The following COL21A1 variants were observed in gnomAD, a reference collection of about 807,000 sequenced individuals.
COL21A1 encodes the protein collagen alpha-1(XXI) chain.
Under a neutral mutation model 137.9 loss-of-function variants are expected in COL21A1, and 149 were observed. The observed-to-expected ratio is 1.08, with a 90% CI of 0.95 to 1.24. The LOEUF (loss-of-function observed/expected upper bound fraction) is 1.24. Ranked by LOEUF, COL21A1 falls within the 50% of genes most tolerant of loss-of-function variation. The pLI is 0.00. For missense variants in COL21A1, 1,167 were observed against 1,158.4 expected (o/e 1.01, Z -0.11); for synonymous variants, 456 against 391.5 (o/e 1.16, Z -1.95).
intron 23 of COL21A1, 129 bp downstream of exon 23, chr6:56,067,166 A>G (rs1766335150): frequency 1.3e-6 from 1 of 763,692 alleles, no homozygotes; most frequent in East Asian, 2.9e-5. Context: ...CTCAATAGCA[A>G]AAGGAGAAAA....
At position 56,320,677 on chromosome 6, in the gene COL21A1, A is replaced by T. The variant is rs377042352; in HGVS notation, c.-39+73294T>A. 9.9e-5 allele frequency among the ~76,000 whole-genome samples: 15 copies of T among 152,180 alleles called. No individual in the cohort carries two copies. The East Asian group carries it at 2.5e-3, about 26-fold the overall frequency. On this transcript the variant is annotated intron_variant, in intron 1 of 28. Coordinates refer to the COL21A1 transcript ENST00000370819. ...CACATTTTCTGCTTCCCCTCCCTAGAAATCTCTTTCCATTGATATTCATGT... is the reference window on the plus strand; with the variant it reads ...CACATTTTCTGCTTCCCCTCCCTAGTAATCTCTTTCCATTGATATTCATGT...
intron 17 of COL21A1, among the ~76,000 whole-genome samples, chr6:56,079,317 G>A (rs1767534674): frequency 2.0e-5 from 3 of 151,680 alleles, no homozygotes. Context: ...TGTGATTACC[G>A]ATGACAGTGT....
chr6:56,098,434 T>G (rs1317100796), intron 17 of COL21A1, among the ~76,000 whole-genome samples: 1 of 8,450 alleles, frequency 1.2e-4, no homozygotes, highest in East Asian at 3.8e-3. Context: ...TATATAAATA[T>G]ATATAAATAT....
At chr6:56,199,369 C>A (rs1207046311) in intron 1 of COL21A1, among the ~76,000 whole-genome samples, 1 of 151,124 alleles carries the variant, frequency 6.6e-6, no homozygotes, top group Non-Finnish European at 1.5e-5. Flanking sequence ...ATTATTTTTA[C>A]CAGAATGTAG....
At chr6:56,138,476 A>C (rs1215158132) in intron 12 of COL21A1, among the ~76,000 whole-genome samples, 1 of 152,090 alleles carries the variant, frequency 6.6e-6, no homozygotes, top group Non-Finnish European at 1.5e-5. Context: ...AGAAAGAGCC[A>C]ACGAGAAAAC....
chr6:56,124,307 A>G lies in COL21A1; in HGVS notation c.1651-15T>C. On this transcript the variant is annotated splice_polypyrimidine_tract_variant and intron_variant, in intron 14 of 29. Transcript: ENST00000244728. ...CCTTTTGCACCCTGTATCGAAAACA[A>G]ACACTTAAAACACAATCTTTACAAT... 1 of 1,587,080 alleles carries G rather than the reference A, an allele frequency of 6.3e-7. No homozygotes were observed. Among genetic ancestry groups the G allele is most frequent in the Non-Finnish European group, 8.6e-7 (1 of 1,165,220 alleles).
chr6:56,097,788 T>C (rs1023820361), intron 17 of COL21A1, among the ~76,000 whole-genome samples: 1 of 112,046 alleles, frequency 8.9e-6, no homozygotes. Flanking sequence ...TATATAAAAA[T>C]ATATATATAA....
Position 56,313,446 on chromosome 6 carries a change from G to A in COL21A1, c.-39+80525C>T, listed in dbSNP as rs935263983. ...TCTCATGGTTCTGGAAGCTGTAAGTGCAAGATCAGGGTGCCAGCATGGTTG... is the reference window on the plus strand; with the variant it reads ...TCTCATGGTTCTGGAAGCTGTAAGTACAAGATCAGGGTGCCAGCATGGTTG... On this transcript the variant is annotated intron_variant, in intron 1 of 28. Coordinates refer to the COL21A1 transcript ENST00000370819. Among the ~76,000 whole-genome samples the A allele has an allele frequency of 5.9e-5, 9 of 152,130 alleles. 1 individual carries two copies. The highest frequency in any genetic ancestry group is 1.3e-4 in the Admixed American group (2 of 15,256).
At chr6:56,359,395 T>C (rs1765914408) in intron 1 of COL21A1, among the ~76,000 whole-genome samples, 1 of 152,118 alleles carries the variant, frequency 6.6e-6, no homozygotes, top group Admixed American at 6.6e-5. Flanking sequence ...ACCGTCTGTG[T>C]TGTTCAGATG....
intron 10 of COL21A1, among the ~76,000 whole-genome samples, chr6:56,153,111 T>G (rs1425339450): frequency 8.5e-5 from 13 of 152,218 alleles, no homozygotes; most frequent in Non-Finnish European, 1.5e-5. Flanking sequence ...AGGGAAATTA[T>G]AAGGCAAATG....
intron 5 of COL21A1, among the ~76,000 whole-genome samples, chr6:56,168,952 G>C (rs1018501852): frequency 2.6e-5 from 4 of 151,812 alleles, no homozygotes; most frequent in Non-Finnish European, 5.9e-5. Context: ...AATTTTTCAG[G>C]ATGTTTCACA....
intron 1 of COL21A1, among the ~76,000 whole-genome samples, chr6:56,333,143 C>T (rs545228226): frequency 6.6e-6 from 1 of 152,102 alleles, no homozygotes; most frequent in African/African-American, 2.4e-5. Flanking sequence ...ATACAATAAA[C>T]TACACATGTT....
intron 1 of COL21A1, among the ~76,000 whole-genome samples, chr6:56,320,292 T>C (rs967809584): frequency 6.6e-6 from 1 of 152,128 alleles, no homozygotes; most frequent in Non-Finnish European, 1.5e-5. Context: ...TTGGTATCTT[T>C]ACCTTGTTCC....
At chr6:56,237,064 CCT>C (rs1238184461) in intron 1 of COL21A1, among the ~76,000 whole-genome samples, 2 of 151,842 alleles carry the variant, frequency 1.3e-5, no homozygotes, top group Admixed American at 1.3e-4. Context: ...CCTTTTTCTC[CCT>C]GTTTTTACGT....
intron 1 of COL21A1, among the ~76,000 whole-genome samples, chr6:56,314,893 C>T (rs1764696879): frequency 6.6e-6 from 1 of 152,128 alleles, no homozygotes; most frequent in South Asian, 2.1e-4. Flanking sequence ...GAGGGCAGGA[C>T]AGCAACACAG....
intron 1 of COL21A1, among the ~76,000 whole-genome samples, chr6:56,385,211 G>C (rs1445133958): frequency 2.6e-5 from 4 of 152,170 alleles, no homozygotes; most frequent in African/African-American, 9.7e-5. Context: ...AAGTTTTGGT[G>C]GGAGGTGATG....
intron 1 of COL21A1, among the ~76,000 whole-genome samples, chr6:56,303,298 T>C (rs542050614): frequency 1.3e-5 from 2 of 152,338 alleles, no homozygotes; most frequent in African/African-American, 4.8e-5. Context: ...GGGGATGGCA[T>C]TGAATCTATA....
rs563472308 is a variant in COL21A1 at position 56,185,410 on chromosome 6, A to G, written c.-38-2754T>C. Among the ~76,000 whole-genome samples, 24 of 150,412 alleles carry G rather than the reference A, an allele frequency of 1.6e-4. 1 individual carries two copies. The highest frequency in any genetic ancestry group is 4.0e-4 in the Admixed American group (6 of 15,030). On this transcript the variant is annotated intron_variant, in intron 1 of 29. Coordinates refer to ENST00000244728, the MANE Select transcript of COL21A1 (RefSeq NM_030820.4). ...ATAAACATTAAAAGGGTAAGTGGAC[A>G]GGCGAAATGAACAGTCTTTTTTTTT... is the stretch of plus-strand genomic sequence containing the variant.
chr6:56,349,921 G>A lies in COL21A1; in HGVS notation c.-39+44050C>T, dbSNP rs964609570. On this transcript the variant is annotated intron_variant, in intron 1 of 28. Coordinates refer to the COL21A1 transcript ENST00000370819. ...TGGGACATCATTAGGAACCAAGCAGGATTCTCTCTCCATCTCTCTTGGGGG... is the reference window on the plus strand; with the variant it reads ...TGGGACATCATTAGGAACCAAGCAGAATTCTCTCTCCATCTCTCTTGGGGG... 5.3e-5 allele frequency among the ~76,000 whole-genome samples: 8 copies of A among 152,262 alleles called. No homozygotes were observed. The South Asian group carries it at 6.2e-4, about 12-fold the overall frequency.
Sources: allele counts gnomAD v4.1 joint callset (sites outside exome capture counted in the v4.1 genomes callset), GRCh38; gene constraint gnomAD v4.1.1; transcripts MANE v1.5; gene names NCBI Gene and HGNC (gene_info 2026-07-23, HGNC 2026-07-21).